Variants in EVC2 observed in about 807,000 individuals in gnomAD.
EVC2 encodes the protein EvC ciliary complex subunit 2.
A neutral mutation model predicts 149.3 loss-of-function variants in EVC2; 148 were observed. The ratio of observed to expected loss-of-function variants is 0.99; its 90% confidence interval spans 0.87 to 1.14. The LOEUF (loss-of-function observed/expected upper bound fraction) is 1.14, where lower values mean the gene tolerates loss of function less well. Ranked by LOEUF, EVC2 falls within the 50% of genes most tolerant of loss-of-function variation. EVC2 has a pLI of 0.00. For synonymous variants in EVC2, 776 were observed against 649.9 expected, an observed-to-expected ratio of 1.19 and a Z score of -2.95; for missense variants, 1,854 against 1,627.3, an observed-to-expected ratio of 1.14 and a Z score of -2.40.
chr4:5,626,950 C>T (rs192220601), intron 12 of EVC2, among the ~76,000 whole-genome samples: 2 of 152,202 alleles, frequency 1.3e-5, no homozygotes, highest in Non-Finnish European at 2.9e-5. Flanking sequence ...CTCCAGCTTG[C>T]AGGCAGCAGA....
chr4:5,574,370 C>A (rs1459500434), intron 19 of EVC2, among the ~76,000 whole-genome samples: 1 of 152,224 alleles, frequency 6.6e-6, no homozygotes, highest in African/African-American at 2.4e-5. Flanking sequence ...CCACTTTCTT[C>A]CCGGTAGAAC....
chr4:5,689,227 G>T lies in EVC2; in HGVS notation c.636C>A (p.Leu212=), dbSNP rs768639624. The T allele has an allele frequency of 1.2e-6, 2 of 1,614,228 alleles. No individual in the cohort carries two copies. Among genetic ancestry groups the T allele is most frequent in the Admixed American group, 1.7e-5 (1 of 60,024 alleles). The part of the protein sequence containing the change: ...ELLLLDSIAG[L]TIWDSVGNRT... Reference sequence around the variant, plus strand: ...TGTTTCCCACAGAGTCCCAAATGGTGAGACCAGCAATGCTGTCCAGCAAGA... The same window carrying T: ...TGTTTCCCACAGAGTCCCAAATGGTTAGACCAGCAATGCTGTCCAGCAAGA... The change falls in exon 5 of 22, where the codon CTC becomes CTA. Residue 212 remains leucine, a synonymous_variant. Transcript: ENST00000344408.
At chr4:5,695,318 A>C (rs1376555899) in intron 2 of EVC2, among the ~76,000 whole-genome samples, 3 of 151,432 alleles carry the variant, frequency 2.0e-5, no homozygotes, top group African/African-American at 4.9e-5. Context: ...ACTGCACTCC[A>C]GTCTGGGCGA....
chr4:5,674,258 C>T (rs76109354), intron 7 of EVC2, among the ~76,000 whole-genome samples: 2 of 152,218 alleles, frequency 1.3e-5, no homozygotes, highest in African/African-American at 4.8e-5. Flanking sequence ...CACTTACCAA[C>T]GCAGCTTTGC....
rs148866670 is a variant in EVC2, at chr4:5,669,873, G to A, written c.871-4224C>T. Among the ~76,000 whole-genome samples the A allele has an allele frequency of 3.9e-3, 590 of 152,292 alleles. 6 individuals are homozygous for A. Among genetic ancestry groups the A allele is most frequent in the South Asian group, 0.038 (183 of 4,828 alleles). On this transcript the variant is annotated intron_variant, in intron 7 of 21. Transcript: ENST00000344408. The stretch of plus-strand genomic sequence containing the variant: ...TGTGGGAATGGAAGCCTGGACCTAG[G>A]AAGAGGGAAAAACCAGGGCCAGTTC...
chr4:5,635,394 T>C (rs1285684966), intron 10 of EVC2, among the ~76,000 whole-genome samples: 6 of 152,150 alleles, frequency 3.9e-5, no homozygotes, highest in African/African-American at 1.4e-4. Context: ...AACTTCTCAA[T>C]GAAAAAGACT....
At chr4:5,690,402 G>GT (rs1451863483) in intron 4 of EVC2, among the ~76,000 whole-genome samples, 23 of 140,642 alleles carry the variant, frequency 1.6e-4, no homozygotes, top group East Asian at 8.3e-4. Flanking sequence ...AGTGTGGGTT[G>GT]TTGTTTTTTT....
At position 5,679,257 on chromosome 4, in the gene EVC2, AC is replaced by A. The variant is rs1720187553; in HGVS notation, c.870+2002del. Among the ~76,000 whole-genome samples, 1 of 151,886 alleles carries A rather than the reference AC, an allele frequency of 6.6e-6. No individual in the cohort carries two copies. The highest frequency in any genetic ancestry group is 2.4e-5 in the African/African-American group (1 of 41,344). On this transcript the variant is annotated intron_variant, in intron 7 of 21. Coordinates refer to ENST00000344408, the MANE Select transcript of EVC2 (RefSeq NM_147127.5). The surrounding 1 kb of genome is among the most constrained non-coding windows in gnomAD (Gnocchi z 5.1). ...ACTACATTTATTTATTTATGTTGAG[AC>A]AGAGTCTCACTCTGTTAACCAGGCT...
At chr4:5,544,548 A>G (rs1721577071) in intron 21 of EVC2, among the ~76,000 whole-genome samples, 1 of 152,182 alleles carries the variant, frequency 6.6e-6, no homozygotes, top group Non-Finnish European at 1.5e-5. Flanking sequence ...ACTCCGTGGG[A>G]AGCCCTTGGC....
At chr4:5,597,075 T>C (rs1476241231) in intron 16 of EVC2, among the ~76,000 whole-genome samples, 1 of 152,164 alleles carries the variant, frequency 6.6e-6, no homozygotes, top group Non-Finnish European at 1.5e-5. Flanking sequence ...CAATAATCAA[T>C]AGCTTACCAA....
intron 1 of EVC2, among the ~76,000 whole-genome samples, chr4:5,698,557 G>A (rs1167668783): frequency 6.6e-6 from 1 of 152,120 alleles, no homozygotes; most frequent in Non-Finnish European, 1.5e-5. Flanking sequence ...ATGAATCACT[G>A]GGCTCTAGAA....
chr4:5,575,206 C>A (rs773906717), intron 18 of EVC2, among the ~76,000 whole-genome samples: 3 of 152,206 alleles, frequency 2.0e-5, no homozygotes, highest in Admixed American at 6.5e-5. Context: ...GACGCCCACA[C>A]GAGGGGGTCT....
intron 10 of EVC2, among the ~76,000 whole-genome samples, chr4:5,638,203 A>G (rs904669830): frequency 1.3e-5 from 2 of 152,116 alleles, no homozygotes; most frequent in African/African-American, 4.8e-5. Context: ...AGTGTGGCCA[A>G]CATGGCAAAA....
At chr4:5,694,598 A>T (rs1445365163) in intron 2 of EVC2, 97 bp from the exon 3 acceptor site, 2 of 1,406,792 alleles carry the variant, frequency 1.4e-6, no homozygotes, top group African/African-American at 2.8e-5. Context: ...CATGGAAGGT[A>T]CTTAGAAGAC....
Position 5,584,887 on chromosome 4 carries a change from C to G in EVC2, c.2830-37G>C, listed in dbSNP as rs778291406. On this transcript the variant is annotated intron_variant, in intron 16 of 21. Transcript: ENST00000344408. The stretch of plus-strand genomic sequence containing the variant: ...CAGGGATGGACCCAAACCCAGAGAG[C>G]AGTGAGTAGAGGAGGGTGGAGGAGA... 16 of 1,607,946 alleles carry G rather than the reference C, an allele frequency of 1.0e-5. No individual in the cohort carries two copies. The East Asian group carries it at 3.6e-4, about 36-fold the overall frequency.
intron 9 of EVC2, among the ~76,000 whole-genome samples, chr4:5,646,553 A>T (rs1207843194): frequency 6.6e-6 from 1 of 152,226 alleles, no homozygotes; most frequent in Non-Finnish European, 1.5e-5. Context: ...AAGAACTTTC[A>T]TCAACAATTC....
chr4:5,708,231 A>C (rs1722340782), intron 1 of EVC2, 55 bp downstream of exon 1: 1 of 1,401,446 alleles, frequency 7.1e-7, no homozygotes, highest in Admixed American at 2.9e-5. Context: ...CCGCCGGTGT[A>C]GACAAAGTCA....
rs138672121 is a variant in EVC2 at position 5,618,580 on chromosome 4, G to A, written c.2604C>T (p.Leu868=). ...CFAQMDRSLA[L]PKIRARVLLQ... is the part of the protein sequence containing the mutation. Reference sequence around the variant, plus strand: ...GCAGAACTCGGGCCCGGATCTTGGGGAGGGCCAAGCTCCTGTCCATCTGAG... The same window carrying A: ...GCAGAACTCGGGCCCGGATCTTGGGAAGGGCCAAGCTCCTGTCCATCTGAG... Residue 868 remains leucine (L), a synonymous_variant, in exon 15 of 22, where the codon CTC becomes CTT. Transcript: ENST00000344408. The surrounding 1 kb of genome is among the most constrained non-coding windows in gnomAD (Gnocchi z 4.4). The A allele has an allele frequency of 1.6e-5, 26 of 1,614,148 alleles. No homozygotes were observed. The Admixed American group carries it at 2.0e-4, about 12-fold the overall frequency.
intron 16 of EVC2, among the ~76,000 whole-genome samples, chr4:5,589,696 G>T (rs1712614034): frequency 6.6e-6 from 1 of 152,112 alleles, no homozygotes; most frequent in South Asian, 2.1e-4. Flanking sequence ...AGTTTTGTCT[G>T]CTGTCCAGTG....
Sources: gnomAD v4.1 joint callset for allele counts (sites outside exome capture counted in the v4.1 genomes callset) on GRCh38, gnomAD v4.1.1 for gene constraint, Gnocchi (gnomAD v3.1) non-coding constraint, MANE v1.5 for transcripts, NCBI Gene and HGNC (gene_info 2026-07-23, HGNC 2026-07-21) for gene names.